WWOX: variants seen among roughly 807,000 people sequenced by gnomAD.
WWOX encodes the protein WW domain containing oxidoreductase.
A neutral mutation model predicts 46.2 loss-of-function variants in WWOX; 69 were observed. The observed-to-expected ratio is 1.49, with a 90% CI of 1.23 to 1.82. The LOEUF (loss-of-function observed/expected upper bound fraction) is 1.82, where lower values mean the gene tolerates loss of function less well. Among genes scored for constraint, WWOX ranks in the 40% most tolerant of loss-of-function variants. The pLI is 0.00. For missense variants in WWOX, 919 were observed against 542.6 expected (o/e 1.69, Z -6.89); for synonymous variants, 359 against 202.6 (o/e 1.77, Z -6.56).
intron 6 of WWOX, among the ~76,000 whole-genome samples, chr16:78,398,627 C>G (rs1227310709): frequency 6.6e-6 from 1 of 152,174 alleles, no homozygotes; most frequent in Non-Finnish European, 1.5e-5. Context: ...GATTTTACTT[C>G]ATTAAACTGA....
At chr16:79,013,322 C>T (rs2047350071) in intron 8 of WWOX, among the ~76,000 whole-genome samples, 1 of 152,176 alleles carries the variant, frequency 6.6e-6, no homozygotes, top group Non-Finnish European at 1.5e-5. Flanking sequence ...GCAGGCTGTG[C>T]TGGGGAGTGG....
intron 5 of WWOX, among the ~76,000 whole-genome samples, chr16:78,288,784 C>T (rs1019902573): frequency 6.6e-6 from 1 of 152,142 alleles, no homozygotes; most frequent in Admixed American, 6.5e-5. Flanking sequence ...CCAGTCAGCG[C>T]ATCATTGCTC....
intron 8 of WWOX, among the ~76,000 whole-genome samples, chr16:79,085,889 T>C (rs947216064): frequency 6.6e-6 from 1 of 151,718 alleles, no homozygotes; most frequent in Non-Finnish European, 1.5e-5. Context: ...CTACAAAAAA[T>C]AAAAACAAAA....
At chr16:78,336,390 C>G (rs1252485106) in intron 5 of WWOX, among the ~76,000 whole-genome samples, 3 of 149,942 alleles carry the variant, frequency 2.0e-5, no homozygotes, top group Non-Finnish European at 4.4e-5. Flanking sequence ...CCTATAGTCC[C>G]AGCTATTTGG....
intron 8 of WWOX, among the ~76,000 whole-genome samples, chr16:78,550,071 AT>A (rs1220450620): frequency 6.6e-6 from 1 of 152,212 alleles, no homozygotes; most frequent in African/African-American, 2.4e-5. Flanking sequence ...CCTGGTAGGG[AT>A]TTAATCTTTA....
At chr16:78,985,527 G>C (rs1460628565) in intron 8 of WWOX, among the ~76,000 whole-genome samples, 2 of 152,156 alleles carry the variant, frequency 1.3e-5, no homozygotes, top group Non-Finnish European at 2.9e-5. Flanking sequence ...CCAGAACGTT[G>C]GGAGGCCAAG....
At chr16:78,514,105 G>T (rs574292211) in intron 8 of WWOX, among the ~76,000 whole-genome samples, 2 of 152,276 alleles carry the variant, frequency 1.3e-5, no homozygotes, top group South Asian at 4.1e-4. Context: ...CATAAATACT[G>T]CTCAAGCATT....
At chr16:78,716,816 C>T (rs1025208391) in intron 8 of WWOX, among the ~76,000 whole-genome samples, 3 of 152,170 alleles carry the variant, frequency 2.0e-5, no homozygotes, top group Admixed American at 2.0e-4. Context: ...GGTCCATAGC[C>T]TGAGCTTACC....
chr16:78,579,221 A>C lies in WWOX; in HGVS notation c.1056+146469A>C, dbSNP rs72803971. ...ACTTTACTAACTACCAGGGATGAAA[A>C]GGCAGGTTTTGCTTTGTTATTACGT... On this transcript the variant is annotated intron_variant, in intron 8 of 8. Transcript: ENST00000566780. Among the ~76,000 whole-genome samples, 896 of 152,268 alleles carry C rather than the reference A, an allele frequency of 5.9e-3. 6 individuals carry two copies. Among genetic ancestry groups the C allele is most frequent in the Non-Finnish European group, 0.01 (701 of 68,036 alleles).
Position 79,212,193 on chromosome 16 carries a change from T to G in WWOX, c.*397T>G. The G allele has an allele frequency of 1.4e-6, 2 of 1,463,196 alleles. No homozygotes were observed. The highest frequency in any genetic ancestry group is 1.8e-6 in the Non-Finnish European group (2 of 1,115,246). The allele number at this position is 1,463,196 out of a possible 1,614,324, so 90.6% of individuals were successfully genotyped here. A position where few individuals can be genotyped will look rare whatever the true frequency, so the allele number is the denominator to read the frequency against. ...CACCACTGCAGCCGGGGGCTGGCCT[T>G]CTCCTACTTAGGGAAGAAAAAGCAA... On this transcript the variant is annotated 3_prime_UTR_variant, in exon 9 of 9. Transcript: ENST00000566780.
chr16:78,347,899 C>G (rs2081119800), intron 5 of WWOX, among the ~76,000 whole-genome samples: 2 of 122,164 alleles, frequency 1.6e-5, no homozygotes, highest in African/African-American at 5.5e-5. Flanking sequence ...AAAGTGGATT[C>G]CTCATAAAAC....
chr16:78,951,992 A>C (rs142127403), intron 8 of WWOX, among the ~76,000 whole-genome samples: 213 of 152,288 alleles, frequency 1.4e-3, no homozygotes, highest in Non-Finnish European at 2.5e-3. Context: ...ATGCCATTCT[A>C]ATCTTCCCAC....
chr16:78,607,274 A>T (rs938997339), intron 8 of WWOX, among the ~76,000 whole-genome samples: 1 of 152,228 alleles, frequency 6.6e-6, no homozygotes, highest in Non-Finnish European at 1.5e-5. Flanking sequence ...AAACTATATT[A>T]AAAATATATA....
intron 8 of WWOX, among the ~76,000 whole-genome samples, chr16:78,994,667 G>A (rs968047014): frequency 1.3e-5 from 2 of 152,124 alleles, no homozygotes; most frequent in African/African-American, 2.4e-5. Context: ...AAGCCCAATC[G>A]CGTCACACTG....
chr16:79,121,058 C>G (rs543491143), intron 8 of WWOX, among the ~76,000 whole-genome samples: 124 of 152,316 alleles, frequency 8.1e-4, no homozygotes, highest in Non-Finnish European at 1.3e-3. Flanking sequence ...CGTGAGTCAC[C>G]ATGCCTGGCT....
intron 8 of WWOX, among the ~76,000 whole-genome samples, chr16:79,200,648 C>T (rs754231617): frequency 4.0e-5 from 6 of 151,882 alleles, no homozygotes; most frequent in Non-Finnish European, 7.4e-5. Flanking sequence ...TTTTTTTGGC[C>T]ATTACAGTTG....
At chr16:78,383,101 C>G (rs1160835687) in intron 5 of WWOX, among the ~76,000 whole-genome samples, 1 of 150,874 alleles carries the variant, frequency 6.6e-6, no homozygotes, top group African/African-American at 2.4e-5. Context: ...TGGCACTAAG[C>G]TGTTTTTAAC....
chr16:78,936,936 C>T (rs1046546922), intron 8 of WWOX, among the ~76,000 whole-genome samples: 1 of 152,096 alleles, frequency 6.6e-6, no homozygotes, highest in African/African-American at 2.4e-5. Context: ...ATGGTTAAAT[C>T]TTGTAAAGAT....
intron 8 of WWOX, among the ~76,000 whole-genome samples, chr16:78,498,169 C>T (rs2084964165): frequency 7.0e-6 from 1 of 142,136 alleles, no homozygotes; most frequent in African/African-American, 2.5e-5. Context: ...TGTGCCACTG[C>T]ACTCCAGCCT....
Sources: gnomAD v4.1 joint callset for allele counts (sites outside exome capture counted in the v4.1 genomes callset) on GRCh38, gnomAD v4.1.1 for gene constraint, MANE v1.5 for transcripts, NCBI Gene and HGNC (gene_info 2026-07-23, HGNC 2026-07-21) for gene names.